The following ATP7A variants were observed in gnomAD, a reference collection of about 807,000 sequenced individuals.
The protein encoded by ATP7A is copper-transporting ATPase 1.
Under a neutral mutation model 83.5 loss-of-function variants are expected in ATP7A, and 7 were observed. The observed-to-expected ratio is 0.08, with a 90% CI of 0.05 to 0.16. ATP7A has a LOEUF of 0.16. ATP7A is among the 10% of genes least tolerant of loss of function. ATP7A has a pLI of 1.00. For synonymous variants in ATP7A, 354 were observed against 395.2 expected, an observed-to-expected ratio of 0.90 and a Z score of 1.24; for missense variants, 940 against 1,120.8, an observed-to-expected ratio of 0.84 and a Z score of 2.30.
intron 1 of ATP7A, among the ~76,000 whole-genome samples, chrX:77,943,619 A>G (rs1451191057): frequency 8.9e-6 from 1 of 112,380 alleles, no homozygotes; most frequent in East Asian, 2.8e-4. Flanking sequence ...TAAAAAATAC[A>G]TGCTTGTTTT....
At chrX:78,024,014 G>A (rs1557236079) in intron 14 of ATP7A, among the ~76,000 whole-genome samples, 1 of 111,020 alleles carries the variant, frequency 9.0e-6, no homozygotes, top group Non-Finnish European at 1.9e-5. Flanking sequence ...TTCTGCATAT[G>A]GCTAGCTAGT....
chrX:78,002,970 T>TA, intron 5 of ATP7A, 103 bp from the exon 6 acceptor site: 2 of 892,103 alleles, frequency 2.2e-6, no homozygotes, highest in Non-Finnish European at 3.2e-6. Flanking sequence ...CTTTAATACT[T>TA]AAGAGAAATC....
At position 78,045,455 on chromosome X, in the gene ATP7A, A is replaced by G; in HGVS notation, c.4124-15A>G. 1 of 1,168,578 alleles carries G rather than the reference A, an allele frequency of 8.6e-7. No individual in the cohort carries two copies. ...TAGTATTATCTACTCTAACTAATCC[A>G]TACTTGTTTCTTAGGAGTTTTTATG... On this transcript the variant is annotated splice_polypyrimidine_tract_variant and intron_variant, in intron 21 of 22. Transcript: ENST00000341514.
intron 1 of ATP7A, among the ~76,000 whole-genome samples, chrX:77,933,828 C>A (rs782440206): frequency 4.5e-5 from 5 of 111,724 alleles, no homozygotes; most frequent in Admixed American, 9.5e-5. Flanking sequence ...CATTTTCTTG[C>A]ACTTATTCAC....
At position 78,048,303 on chromosome X, in the gene ATP7A, A is replaced by G. The variant is rs147592491; in HGVS notation, c.*1733A>G. The G allele has an allele frequency of 2.7e-5, 3 of 112,356 alleles. No homozygotes were observed. Among genetic ancestry groups the G allele is most frequent in the African/African-American group, 9.7e-5 (3 of 31,014 alleles). The allele number at this position is 112,356 out of a possible 1,213,427, so 9.3% of individuals were successfully genotyped here. ...TGTAAATGAAGAGGACTCATAAGTA[A>G]ATTCCTAACATTTTGTTCCCATTAC... On this transcript the variant is annotated 3_prime_UTR_variant, in exon 23 of 23. Coordinates refer to ENST00000341514, the MANE Select transcript of ATP7A (RefSeq NM_000052.7).
intron 1 of ATP7A, chrX:77,923,233 T>C (rs1557223291): frequency 8.9e-6 from 1 of 112,256 alleles, no homozygotes; most frequent in Non-Finnish European, 1.9e-5. Flanking sequence ...TTGTTGTTAT[T>C]TTCTGCTATA....
chrX:77,985,902 A>C (rs1256561251), intron 2 of ATP7A, among the ~76,000 whole-genome samples: 1 of 111,240 alleles, frequency 9.0e-6, no homozygotes, highest in Non-Finnish European at 1.9e-5. Flanking sequence ...AATTATTTAC[A>C]GTCATTTTCT....
At position 77,956,726 on chromosome X, in the gene ATP7A, C is replaced by CCTTCCTTT. The variant is rs1557227392; in HGVS notation, c.-21-14892_-21-14891insCCTTTCTT. Among the ~76,000 whole-genome samples, 23 of 73,772 alleles carry CCTTCCTTT rather than the reference C, an allele frequency of 3.1e-4. No individual in the cohort carries two copies. The South Asian group carries it at 3.7e-3, about 12-fold the overall frequency. 64.1% of individuals were successfully genotyped at this position (73,772 alleles called of 115,157 possible). A position where few individuals can be genotyped will look rare whatever the true frequency, so the allele number is the denominator to read the frequency against. ...TTTTTCTTTATCAATTACCCAGTCT[C>CCTTCCTTT]CTTTCTTTCTTTCTTTCTTTCTTTC... is the stretch of plus-strand genomic sequence containing the variant. On this transcript the variant is annotated intron_variant, in intron 1 of 22. Transcript: ENST00000341514.
At chrX:77,961,380 G>A (rs2077473577) in intron 1 of ATP7A, among the ~76,000 whole-genome samples, 1 of 111,759 alleles carries the variant, frequency 8.9e-6, no homozygotes. Flanking sequence ...TTCCTAAACA[G>A]GTAAACTAGC....
At chrX:77,922,689 A>G (rs1480477848) in intron 1 of ATP7A, among the ~76,000 whole-genome samples, 1 of 110,944 alleles carries the variant, frequency 9.0e-6, no homozygotes, top group African/African-American at 3.3e-5. Flanking sequence ...TCCATTTGAC[A>G]TTTATTTCTT....
chrX:78,039,133 T>A, intron 18 of ATP7A, 151 bp downstream of exon 18: 1 of 628,927 alleles, frequency 1.6e-6, no homozygotes, highest in Non-Finnish European at 2.3e-6. Context: ...TATTACTGAT[T>A]AATTTAAAAT....
At chrX:77,931,707 G>C (rs782408296) in intron 1 of ATP7A, among the ~76,000 whole-genome samples, 21 of 105,142 alleles carry the variant, frequency 2.0e-4, no homozygotes, top group African/African-American at 6.9e-4. Flanking sequence ...TCACTTCCCA[G>C]TAGGGGCGGC....
chrX:78,008,521 G>T lies in ATP7A; in HGVS notation c.1708-581G>T, dbSNP rs1158778147. 2.7e-5 allele frequency among the ~76,000 whole-genome samples: 3 copies of T among 110,710 alleles called. No homozygotes were observed. In the Admixed American group the frequency reaches 2.9e-4, roughly 11 times the overall value. On this transcript the variant is annotated intron_variant, in intron 6 of 22. Transcript: ENST00000341514. The stretch of plus-strand genomic sequence containing the variant: ...ATACTAGTGATTATATACTTCAGCA[G>T]GATGAAAAAAAAATCCAGCGGGAAG...
chrX:78,005,573 C>T (rs1481670327), intron 6 of ATP7A, among the ~76,000 whole-genome samples: 1 of 105,178 alleles, frequency 9.5e-6, no homozygotes, highest in Non-Finnish European at 1.9e-5. Context: ...ATCCCAGATA[C>T]TCGGGAAGCT....
At chrX:77,979,075 G>A (rs183506101) in intron 2 of ATP7A, among the ~76,000 whole-genome samples, 4 of 110,784 alleles carry the variant, frequency 3.6e-5, no homozygotes, top group South Asian at 3.8e-4. Flanking sequence ...CAGATGATCC[G>A]CCCCCCTTCA....
In ATP7A at chrX:78,031,456, G is replaced by T. The variant is rs371089220; in HGVS notation, c.3168G>T (p.Val1056=). ...TGTITHGTPV[V]NQVKVLTESN... ...CCATTACTCACGGAACCCCAGTGGT[G>T]AATCAAGTAAAGGTTCTAACTGAAA... The change falls in exon 16 of 23, where the codon GTG becomes GTT. Residue 1056 remains valine (V), a synonymous_variant. Coordinates refer to ENST00000341514, the MANE Select transcript of ATP7A (RefSeq NM_000052.7). 9.9e-6 allele frequency: 12 copies of T among 1,209,290 alleles called. No homozygotes were observed. The highest frequency in any genetic ancestry group is 1.3e-5 in the Non-Finnish European group (12 of 894,443).
intron 17 of ATP7A, among the ~76,000 whole-genome samples, chrX:78,035,782 C>T (rs1349579913): frequency 8.9e-6 from 1 of 111,990 alleles, no homozygotes; most frequent in African/African-American, 3.2e-5. Context: ...CAAATGGCAT[C>T]TATCTCGTGA....
chrX:77,944,088 T>C (rs1166645123), intron 1 of ATP7A, among the ~76,000 whole-genome samples: 1 of 112,282 alleles, frequency 8.9e-6, no homozygotes, highest in African/African-American at 3.2e-5. Context: ...GCTTAATAGA[T>C]ACATAAGTCT....
intron 9 of ATP7A, among the ~76,000 whole-genome samples, chrX:78,012,176 CTT>C (rs1227862882): frequency 7.9e-4 from 88 of 111,204 alleles, no homozygotes; most frequent in Non-Finnish European, 1.3e-3. Context: ...GTTTTAAACT[CTT>C]TTTTCGAGAT....
Sources: gnomAD v4.1 joint callset for allele counts (sites outside exome capture counted in the v4.1 genomes callset) on GRCh38, gnomAD v4.1.1 for gene constraint, MANE v1.5 for transcripts, NCBI Gene and HGNC (gene_info 2026-07-23, HGNC 2026-07-21) for gene names.